CCDC167: variants seen among roughly 807,000 people sequenced by gnomAD.
CCDC167 encodes coiled-coil domain containing 167.
A neutral mutation model predicts 12.7 loss-of-function variants in CCDC167; 15 were observed. The observed-to-expected ratio is 1.18, with a 90% confidence interval of 0.79 to 1.81. The LOEUF (loss-of-function observed/expected upper bound fraction) is 1.81, where lower values mean the gene tolerates loss of function less well. Among genes scored for constraint, CCDC167 ranks in the 40% most tolerant of loss-of-function variants. CCDC167 has a pLI of 0.00. For missense variants in CCDC167, 121 were observed against 120.1 expected (o/e 1.01, Z -0.03); for synonymous variants, 52 against 49.0 (o/e 1.06, Z -0.26).
At chr6:37,492,324 A>G (rs1176092699) in intron 1 of CCDC167, among the ~76,000 whole-genome samples, 1 of 151,986 alleles carries the variant, frequency 6.6e-6, no homozygotes, top group Non-Finnish European at 1.5e-5. Flanking sequence ...TCTGGCTTCA[A>G]CAGATTCTCT....
intron 1 of CCDC167, among the ~76,000 whole-genome samples, chr6:37,493,797 TTTA>T (rs1456323866): frequency 6.6e-6 from 1 of 152,104 alleles, no homozygotes; most frequent in Non-Finnish European, 1.5e-5. Context: ...TCAGCAAATA[TTTA>T]TTGACAGTCC....
At chr6:37,489,940 G>A (rs1327953216) in intron 1 of CCDC167, among the ~76,000 whole-genome samples, 2 of 152,214 alleles carry the variant, frequency 1.3e-5, no homozygotes, top group African/African-American at 4.8e-5. Context: ...TGTGGGGGCA[G>A]AGAGCAGGTG....
At chr6:37,484,114 G>T (rs765833528) in intron 3 of CCDC167, among the ~76,000 whole-genome samples, 22 of 152,210 alleles carry the variant, frequency 1.4e-4, no homozygotes, top group Non-Finnish European at 2.8e-4. Context: ...CTCCAGGCAG[G>T]GCTGGTAGGT....
At chr6:37,499,506 G>C (rs1329782438) in intron 1 of CCDC167, among the ~76,000 whole-genome samples, 1 of 151,840 alleles carries the variant, frequency 6.6e-6, no homozygotes, top group African/African-American at 2.4e-5. Context: ...CATCCCTTTT[G>C]TTCTGTGTCC....
rs1324608086 is a variant in CCDC167 at position 37,483,300 on chromosome 6, A to G, written c.191-11T>C. On this transcript the variant is annotated splice_polypyrimidine_tract_variant and intron_variant, in intron 3 of 3. Transcript: ENST00000373408. ...ACTTCAGTTCCTTCTCTGGGAGGAA[A>G]GAGGGTGATAGGGATAGGACAGGCA... 5 of 1,588,888 alleles carry G rather than the reference A, an allele frequency of 3.1e-6. No homozygotes were observed. The highest frequency in any genetic ancestry group is 4.3e-6 in the Non-Finnish European group (5 of 1,157,324).
At chr6:37,493,634 T>G (rs902987742) in intron 1 of CCDC167, among the ~76,000 whole-genome samples, 2 of 152,252 alleles carry the variant, frequency 1.3e-5, no homozygotes, top group Non-Finnish European at 2.9e-5. Context: ...AACAGTCCTC[T>G]GCGTGCTGCG....
chr6:37,484,807 T>TA lies in CCDC167; in HGVS notation c.190+2dup, dbSNP rs1429925884. On this transcript the variant is annotated splice_region_variant and intron_variant, in intron 3 of 3. Coordinates refer to ENST00000373408, the MANE Select transcript of CCDC167 (RefSeq NM_138493.3). ...GGCTGGTAACTGAAAGGAACTTTCT[T>TA]ACCGTAGTTGGAGGCTTTGTTCATT... The TA allele has an allele frequency of 6.2e-7, 1 of 1,614,240 alleles. No homozygotes were observed. Among genetic ancestry groups the TA allele is most frequent in the African/African-American group, 1.3e-5 (1 of 75,062 alleles).
At chr6:37,495,833 A>C (rs1762090381) in intron 1 of CCDC167, among the ~76,000 whole-genome samples, 1 of 152,216 alleles carries the variant, frequency 6.6e-6, no homozygotes, top group South Asian at 2.1e-4. Flanking sequence ...TCACCACTTC[A>C]TTGGCTCTGA....
Position 37,483,086 on chromosome 6 carries a change from A to G in CCDC167, c.*100T>C. On this transcript the variant is annotated 3_prime_UTR_variant, in exon 4 of 4. Coordinates refer to ENST00000373408, the MANE Select transcript of CCDC167 (RefSeq NM_138493.3). ...GCTTGAACACTAGGTTGGGAGGGGA[A>G]CACCCCAGCACCTTGGTCCTATTGA... 1.1e-6 allele frequency: 1 copy of G among 933,332 alleles called. No homozygotes were observed. The highest frequency in any genetic ancestry group is 1.8e-6 in the Non-Finnish European group (1 of 569,038). 57.8% of individuals were successfully genotyped at this position (933,332 alleles called of 1,614,324 possible).
At chr6:37,487,002 AG>A (rs879777989) in intron 1 of CCDC167, among the ~76,000 whole-genome samples, 6 of 142,060 alleles carry the variant, frequency 4.2e-5, no homozygotes, top group Non-Finnish European at 7.8e-5. Context: ...TGGCTGTGGC[AG>A]GGGGGTGGGG....
chr6:37,485,220 G>C (rs774113660), intron 1 of CCDC167, 26 bp from the exon 2 acceptor site: 13 of 1,559,976 alleles, frequency 8.3e-6, no homozygotes, highest in Non-Finnish European at 1.1e-5. Context: ...CAGAGAGGTG[G>C]GCTGCCGAGG....
At chr6:37,490,996 C>T (rs1330323466) in intron 1 of CCDC167, among the ~76,000 whole-genome samples, 1 of 152,160 alleles carries the variant, frequency 6.6e-6, no homozygotes, top group Non-Finnish European at 1.5e-5. Context: ...TCCTATATGC[C>T]ATAAAACCAC....
intron 1 of CCDC167, among the ~76,000 whole-genome samples, chr6:37,491,598 G>A (rs554249102): frequency 2.4e-4 from 36 of 152,318 alleles, no homozygotes; most frequent in Non-Finnish European, 4.3e-4. Context: ...AATAAAGAGC[G>A]TGGTGCCAGG....
intron 1 of CCDC167, among the ~76,000 whole-genome samples, chr6:37,496,596 T>G (rs956437922): frequency 7.2e-5 from 11 of 152,196 alleles, no homozygotes; most frequent in Non-Finnish European, 1.5e-5. Flanking sequence ...GAGTTTGACT[T>G]AGCCATGGTG....
In CCDC167 at chr6:37,484,865, G is replaced by A. The variant is rs1240236758; in HGVS notation, c.138-3C>T. 2 of 1,614,258 alleles carry A rather than the reference G, an allele frequency of 1.2e-6. No homozygotes were observed. The highest frequency in any genetic ancestry group is 1.7e-5 in the Admixed American group (1 of 60,032). ...TTTTCTCCTTCTCCAGGGACCTCCT[G>A]TGAGGGGAAAGGAGCTTCATGGACC... On this transcript the variant is annotated splice_region_variant and splice_polypyrimidine_tract_variant and intron_variant, in intron 2 of 3. Transcript: ENST00000373408.
intron 1 of CCDC167, among the ~76,000 whole-genome samples, chr6:37,496,172 G>A (rs1162215403): frequency 2.0e-5 from 3 of 152,172 alleles, no homozygotes; most frequent in South Asian, 2.1e-4. Flanking sequence ...GGTGGCTCAC[G>A]CCTGTAATCC....
At chr6:37,485,979 T>C (rs1377223036) in intron 1 of CCDC167, among the ~76,000 whole-genome samples, 1 of 152,218 alleles carries the variant, frequency 6.6e-6, no homozygotes, top group Non-Finnish European at 1.5e-5. Flanking sequence ...GACTGGGTTG[T>C]CCAAACCTGG....
chr6:37,496,156 G>T (rs1484631173), intron 1 of CCDC167, among the ~76,000 whole-genome samples: 1 of 152,190 alleles, frequency 6.6e-6, no homozygotes, highest in Non-Finnish European at 1.5e-5. Flanking sequence ...AAATCCGGCC[G>T]AGTGTGGTGG....
In CCDC167 at chr6:37,484,548, T is replaced by C. The variant is rs569814402; in HGVS notation, c.190+262A>G. Among the ~76,000 whole-genome samples the C allele has an allele frequency of 9.8e-5, 15 of 152,316 alleles. No homozygotes were observed. In the East Asian group the frequency reaches 2.9e-3, roughly 29 times the overall value. On this transcript the variant is annotated intron_variant, in intron 3 of 3. Transcript: ENST00000373408. ...GATGTCTAGGTGAATGATTGTCTCCTAGACCTGGCCACGGCCACATCCCTT... is the reference window on the plus strand; with the variant it reads ...GATGTCTAGGTGAATGATTGTCTCCCAGACCTGGCCACGGCCACATCCCTT...
Sources: gnomAD v4.1 joint callset for allele counts (sites outside exome capture counted in the v4.1 genomes callset) on GRCh38, gnomAD v4.1.1 for gene constraint, MANE v1.5 for transcripts, NCBI Gene and HGNC (gene_info 2026-07-23, HGNC 2026-07-21) for gene names.